COL22A1: variants seen among roughly 807,000 people sequenced by gnomAD.
The protein encoded by COL22A1 is collagen type XXII alpha 1 chain.
A neutral mutation model predicts 248.9 loss-of-function variants in COL22A1; 221 were observed. The ratio of observed to expected loss-of-function variants is 0.89; its 90% CI spans 0.80 to 0.99. The LOEUF is 0.99. COL22A1 is among the 50% of genes least tolerant of loss of function. The pLI is 0.00. For missense variants in COL22A1, 2,240 were observed against 2,179.0 expected (o/e 1.03, Z -0.56); for synonymous variants, 891 against 793.4 (o/e 1.12, Z -2.07).
At chr8:138,624,629 C>A (rs1399365581) in intron 51 of COL22A1, among the ~76,000 whole-genome samples, 1 of 152,132 alleles carries the variant, frequency 6.6e-6, no homozygotes, top group African/African-American at 2.4e-5. Context: ...TTAGCTTTAC[C>A]ATTGCTAAAA....
At position 138,591,426 on chromosome 8, in the gene COL22A1, G is replaced by T; in HGVS notation, c.4691C>A (p.Pro1564Gln). 1 of 1,579,200 alleles carries T rather than the reference G, an allele frequency of 6.3e-7. No individual in the cohort carries two copies. The highest frequency in any genetic ancestry group is 1.7e-4 in the Middle Eastern group (1 of 5,978). The change falls in exon 64 of 65, where the codon CCA becomes CAA. Residue 1564 changes from proline (P) to glutamine (Q), a missense_variant and splice_region_variant. Physicochemically the swap from Pro to Gln is moderately conservative, Grantham distance 76 (BLOSUM62 -1). Coordinates refer to ENST00000303045, the MANE Select transcript of COL22A1 (RefSeq NM_152888.3). ...TGAGACTGCAGAATGAGTCATACCT[G>T]GGATTCCAGGGGGTCCCATCTCGCC... ...LRGEMGPPGIPGQPGEPGYAK... is the reference protein window; with the variant it reads ...LRGEMGPPGIQGQPGEPGYAK...
intron 25 of COL22A1, 89 bp downstream of exon 25, chr8:138,724,526 G>T: frequency 2.3e-6 from 3 of 1,304,222 alleles, no homozygotes; most frequent in South Asian, 1.2e-5. Context: ...TAGGAAAGTG[G>T]CTCTGGGCCA....
chr8:138,847,037 T>A (rs1821297220), intron 3 of COL22A1, among the ~76,000 whole-genome samples: 1 of 152,164 alleles, frequency 6.6e-6, no homozygotes, highest in Non-Finnish European at 1.5e-5. Context: ...GGGGCTTGTT[T>A]CCATTTATCC....
At chr8:138,894,957 G>A (rs959955647) in intron 1 of COL22A1, among the ~76,000 whole-genome samples, 1 of 151,748 alleles carries the variant, frequency 6.6e-6, no homozygotes, top group Non-Finnish European at 1.5e-5. Flanking sequence ...TACTCAGAAG[G>A]TGGAGGCAAA....
At chr8:138,712,503 AG>A (rs912783364) in intron 30 of COL22A1, among the ~76,000 whole-genome samples, 1 of 152,148 alleles carries the variant, frequency 6.6e-6, no homozygotes, top group Non-Finnish European at 1.5e-5. Flanking sequence ...ATCTATCAGC[AG>A]GGTGTATGTG....
At chr8:138,900,240 C>T (rs926687729) in intron 1 of COL22A1, among the ~76,000 whole-genome samples, 5 of 152,192 alleles carry the variant, frequency 3.3e-5, no homozygotes, top group Non-Finnish European at 5.9e-5. Flanking sequence ...AATGGCAGTG[C>T]TTGATCAGGT....
intron 39 of COL22A1, among the ~76,000 whole-genome samples, chr8:138,683,724 G>C (rs541808447): frequency 5.7e-4 from 87 of 152,188 alleles, no homozygotes; most frequent in African/African-American, 2.0e-3. Context: ...GTGTGGATCA[G>C]AACTCCCCAC....
chr8:138,678,400 C>T (rs1365884505), intron 40 of COL22A1, among the ~76,000 whole-genome samples: 9 of 152,130 alleles, frequency 5.9e-5, no homozygotes, highest in Admixed American at 5.2e-4. Context: ...AGCAACATCC[C>T]TTGCCCTGCC....
chr8:138,790,240 C>A lies in COL22A1; in HGVS notation c.1596+6579G>T, dbSNP rs188378368. Among the ~76,000 whole-genome samples, 301 of 152,270 alleles carry A rather than the reference C, an allele frequency of 2.0e-3. 1 individual carries two copies. The highest frequency in any genetic ancestry group is 7.0e-3 in the African/African-American group (290 of 41,546). The stretch of plus-strand genomic sequence containing the variant: ...TAGATGGCTGTCTTTTCACGGTAAC[C>A]TGACATGGTGAAAAGGACAAACGGG... On this transcript the variant is annotated intron_variant, in intron 12 of 64. Coordinates refer to ENST00000303045, the MANE Select transcript of COL22A1 (RefSeq NM_152888.3).
At chr8:138,749,540 T>C (rs1346876041) in intron 22 of COL22A1, among the ~76,000 whole-genome samples, 1 of 152,230 alleles carries the variant, frequency 6.6e-6, no homozygotes, top group African/African-American at 2.4e-5. Context: ...TGCGGGAGCA[T>C]GTTGAGAGAA....
intron 3 of COL22A1, among the ~76,000 whole-genome samples, chr8:138,848,155 G>A (rs1020605369): frequency 1.2e-4 from 19 of 152,100 alleles, no homozygotes; most frequent in African/African-American, 4.6e-4. Flanking sequence ...TTTGTTCTTG[G>A]CTGGTTCACT....
In COL22A1 at chr8:138,698,838, G is replaced by T. The variant is rs192977235; in HGVS notation, c.2592+1274C>A. ...AGTACCCGCCCTGCGGGTGAGGGAG[G>T]TGCTGTGTCCTCATGCAGTGAGTGC... On this transcript the variant is annotated intron_variant, in intron 32 of 64. Coordinates refer to ENST00000303045, the MANE Select transcript of COL22A1 (RefSeq NM_152888.3). 7.4e-3 allele frequency among the ~76,000 whole-genome samples: 1,121 copies of T among 152,308 alleles called. 6 individuals are homozygous for T. The highest frequency in any genetic ancestry group is 0.017 in the Middle Eastern group (5 of 294).
At chr8:138,635,319 T>C (rs1266759595) in intron 48 of COL22A1, among the ~76,000 whole-genome samples, 1 of 152,122 alleles carries the variant, frequency 6.6e-6, no homozygotes, top group Non-Finnish European at 1.5e-5. Context: ...GAGAAATGGT[T>C]GAGGACATAA....
At chr8:138,853,852 A>ACT in intron 3 of COL22A1, among the ~76,000 whole-genome samples, 1 of 152,120 alleles carries the variant, frequency 6.6e-6, no homozygotes, top group East Asian at 1.9e-4. Context: ...AAGTAACAGA[A>ACT]CTCATTAATA....
intron 37 of COL22A1, among the ~76,000 whole-genome samples, chr8:138,686,607 G>T (rs886796793): frequency 6.6e-6 from 1 of 152,212 alleles, no homozygotes; most frequent in Non-Finnish European, 1.5e-5. Context: ...TTACCACTTT[G>T]CAGAGCCCTG....
chr8:138,675,134 C>G (rs1181328166), intron 41 of COL22A1, among the ~76,000 whole-genome samples: 1 of 152,066 alleles, frequency 6.6e-6, no homozygotes, highest in Non-Finnish European at 1.5e-5. Context: ...TGAAACAACC[C>G]ATCATTGTGA....
intron 45 of COL22A1, among the ~76,000 whole-genome samples, chr8:138,653,945 G>T (rs1450353437): frequency 6.6e-6 from 1 of 152,220 alleles, no homozygotes; most frequent in East Asian, 1.9e-4. Context: ...GGACCAGTGA[G>T]TCTCCACAGG....
intron 47 of COL22A1, among the ~76,000 whole-genome samples, chr8:138,640,191 T>A (rs1340007162): frequency 6.6e-6 from 1 of 152,212 alleles, no homozygotes; most frequent in East Asian, 1.9e-4. Flanking sequence ...TCTTCTACCT[T>A]CGTGGAAAAC....
At chr8:138,788,034 G>T (rs1277588928) in intron 12 of COL22A1, among the ~76,000 whole-genome samples, 1 of 152,192 alleles carries the variant, frequency 6.6e-6, no homozygotes, top group African/African-American at 2.4e-5. Context: ...TAGAGGTGCT[G>T]TTACTAATAT....
Sources: allele counts gnomAD v4.1 joint callset (sites outside exome capture counted in the v4.1 genomes callset), GRCh38; gene constraint gnomAD v4.1.1; transcripts MANE v1.5; gene names NCBI Gene and HGNC (gene_info 2026-07-23, HGNC 2026-07-21).